The following DOCK9 variants were observed in gnomAD, a reference collection of about 807,000 sequenced individuals.
The protein encoded by DOCK9 is dedicator of cytokinesis protein 9.
A neutral mutation model predicts 263.3 loss-of-function variants in DOCK9; 89 were observed. The observed-to-expected ratio is 0.34, with a 90% CI of 0.28 to 0.40. The LOEUF (loss-of-function observed/expected upper bound fraction) is 0.40. Ranked by LOEUF, DOCK9 falls within the 10% of genes least tolerant of loss-of-function variation. The pLI, the probability that DOCK9 is intolerant of heterozygous loss-of-function variation, is 1.00. For synonymous variants in DOCK9, 976 were observed against 973.1 expected, an observed-to-expected ratio of 1.00 and a Z score of -0.06; for missense variants, 2,140 against 2,603.4, an observed-to-expected ratio of 0.82 and a Z score of 3.87.
chr13:99,075,385 C>T (rs1423335811), intron 1 of DOCK9, among the ~76,000 whole-genome samples: 3 of 135,414 alleles, frequency 2.2e-5, no homozygotes, highest in Non-Finnish European at 3.1e-5. Context: ...GAGACAGTCT[C>T]ACTTTCACCC....
chr13:98,882,334 C>A (rs1200075618), intron 23 of DOCK9, among the ~76,000 whole-genome samples: 1 of 152,058 alleles, frequency 6.6e-6, no homozygotes, highest in Non-Finnish European at 1.5e-5. Context: ...GAAGCAGGGT[C>A]AGAGAGATGC....
At chr13:98,831,178 A>G (rs2092747772) in intron 41 of DOCK9, among the ~76,000 whole-genome samples, 170 bp downstream of exon 41, 1 of 152,238 alleles carries the variant, frequency 6.6e-6, no homozygotes, top group African/African-American at 2.4e-5. Context: ...CCCATATCTT[A>G]TAGTAATGGA....
At chr13:98,890,278 AT>A (rs1400407974) in intron 15 of DOCK9, among the ~76,000 whole-genome samples, 2 of 152,120 alleles carry the variant, frequency 1.3e-5, no homozygotes, top group African/African-American at 4.8e-5. Flanking sequence ...CTGGAGGCCC[AT>A]TTCCAGACTG....
chr13:98,951,631 T>C (rs191353169), intron 2 of DOCK9, among the ~76,000 whole-genome samples: 54 of 152,302 alleles, frequency 3.5e-4, no homozygotes, highest in East Asian at 3.1e-3. Context: ...AGGAAAGGAA[T>C]TGAGACAGTG....
intron 15 of DOCK9, among the ~76,000 whole-genome samples, chr13:98,890,084 T>C (rs1391755561): frequency 6.6e-6 from 1 of 152,240 alleles, no homozygotes; most frequent in Non-Finnish European, 1.5e-5. Flanking sequence ...TTCATCGTAT[T>C]GTGTTTGAGC....
At chr13:98,933,673 G>C (rs1198925072) in intron 2 of DOCK9, among the ~76,000 whole-genome samples, 1 of 152,100 alleles carries the variant, frequency 6.6e-6, no homozygotes, top group Non-Finnish European at 1.5e-5. Flanking sequence ...CTATTTCTTC[G>C]TGCATGTCTT....
upstream of DOCK9, among the ~76,000 whole-genome samples, chr13:98,981,916 AAAC>A (rs1016283202): frequency 2.0e-5 from 3 of 152,344 alleles, no homozygotes; most frequent in South Asian, 2.1e-4. Context: ...CCAACATTTC[AAAC>A]AACAAGGTGT....
intron 45 of DOCK9, among the ~76,000 whole-genome samples, chr13:98,814,943 A>ATAACATAAC (rs1566576506): frequency 0.16 from 5,216 of 33,036 alleles, 365 homozygotes; most frequent in East Asian, 0.34. Flanking sequence ...CTCAAAATAA[A>ATAACATAAC]ATAAAATAAA....
chr13:98,925,885 A>G lies in DOCK9; in HGVS notation c.368T>C (p.Val123Ala). Residue 123 changes from valine (V) to alanine (A), a missense_variant, in exon 4 of 53, where the codon GTG becomes GCG. Physicochemically the swap from Val to Ala is moderately conservative, Grantham distance 64. Transcript: ENST00000682017. ...IKTYNSDWHL[V>A]NYKYEDYSGE... The stretch of plus-strand genomic sequence containing the variant: ...TGAGTAATCTTCATATTTATAGTTC[A>G]CAAGATGCCAGTCAGAGTTATAGGT... 6.3e-7 allele frequency: 1 copy of G among 1,587,628 alleles called. No homozygotes were observed. The highest frequency in any genetic ancestry group is 1.3e-5 in the African/African-American group (1 of 74,670).
In DOCK9 at chr13:98,883,822, C is replaced by A; in HGVS notation, c.2460G>T (p.Val820=). 6.2e-7 allele frequency: 1 copy of A among 1,610,086 alleles called. No individual in the cohort carries two copies. Among genetic ancestry groups the A allele is most frequent in the Admixed American group, 1.7e-5 (1 of 59,574 alleles). Residue 820 remains valine, a synonymous_variant, in exon 22 of 53, where the codon GTG becomes GTT. Coordinates refer to ENST00000682017, the MANE Select transcript of DOCK9 (RefSeq NM_001366683.2). The stretch of plus-strand genomic sequence containing the variant: ...TTGAAGGAGCACATACCTGAGTATA[C>A]ACTGTAGAAACCAGATGAGTGGAAA... ...LKISTHLVST[V]YTQDQHLHNF... is the part of the protein sequence containing the mutation.
chr13:98,981,150 G>A (rs1180447742), upstream of DOCK9, among the ~76,000 whole-genome samples: 1 of 150,984 alleles, frequency 6.6e-6, no homozygotes, highest in Non-Finnish European at 1.5e-5. Flanking sequence ...TCCACCTCCT[G>A]GGCTCATGCA....
At chr13:98,957,334 A>G (rs1399697887) in intron 1 of DOCK9, among the ~76,000 whole-genome samples, 1 of 152,220 alleles carries the variant, frequency 6.6e-6, no homozygotes, top group Non-Finnish European at 1.5e-5. Flanking sequence ...TGCTTTGCCT[A>G]TTGCACATAT....
chr13:98,821,191 C>T (rs776769475), intron 45 of DOCK9, among the ~76,000 whole-genome samples: 3 of 152,156 alleles, frequency 2.0e-5, no homozygotes, highest in African/African-American at 7.2e-5. Flanking sequence ...CTGCAGGACT[C>T]GTGCATGGTG....
chr13:98,808,417 T>C (rs559536085), intron 47 of DOCK9, among the ~76,000 whole-genome samples: 6 of 152,170 alleles, frequency 3.9e-5, no homozygotes, highest in Non-Finnish European at 5.9e-5. Flanking sequence ...TAGAATTGCA[T>C]GGGAAGTGAA....
chr13:98,934,087 G>A (rs1301277982), intron 2 of DOCK9, among the ~76,000 whole-genome samples: 2 of 151,042 alleles, frequency 1.3e-5, no homozygotes, highest in Non-Finnish European at 2.9e-5. Flanking sequence ...TGGAGAGATG[G>A]GGGCGGGGGG....
At chr13:99,024,573 T>C (rs569866942) in intron 1 of DOCK9, among the ~76,000 whole-genome samples, 1 of 152,354 alleles carries the variant, frequency 6.6e-6, no homozygotes, top group Non-Finnish European at 1.5e-5. Context: ...CAGTTACTTT[T>C]ATCTTACATT....
At chr13:98,836,417 G>T (rs1323659871) in intron 39 of DOCK9, among the ~76,000 whole-genome samples, 1 of 152,164 alleles carries the variant, frequency 6.6e-6, no homozygotes, top group Non-Finnish European at 1.5e-5. Context: ...CATGTTTCTA[G>T]TAGAGGCACT....
At chr13:98,883,208 G>T in intron 22 of DOCK9, 77 bp from the exon 23 acceptor site, 1 of 1,273,428 alleles carries the variant, frequency 7.9e-7, no homozygotes, top group Non-Finnish European at 1.1e-6. Flanking sequence ...TTTGTTTCTT[G>T]CAGCATGCTT....
At chr13:99,012,446 C>G (rs1884663162) in intron 1 of DOCK9, among the ~76,000 whole-genome samples, 1 of 152,098 alleles carries the variant, frequency 6.6e-6, no homozygotes, top group Non-Finnish European at 1.5e-5. Context: ...GCTTGGTGCA[C>G]ACTGAGTAGC....
Sources: allele counts gnomAD v4.1 joint callset (sites outside exome capture counted in the v4.1 genomes callset), GRCh38; gene constraint gnomAD v4.1.1; transcripts MANE v1.5; gene names NCBI Gene and HGNC (gene_info 2026-07-23, HGNC 2026-07-21).